The following CHD5 variants were observed in gnomAD, a reference collection of about 807,000 sequenced individuals.
CHD5 encodes the protein chromodomain helicase DNA binding protein 5, also known as ATP-dependent chromatin remodeler CHD5.
CHD5 carries 69 observed loss-of-function variants against 230.3 expected under a neutral mutation model. The ratio of observed to expected loss-of-function variants is 0.30; its 90% confidence interval spans 0.25 to 0.37. The LOEUF (loss-of-function observed/expected upper bound fraction) is 0.37, where lower values mean the gene tolerates loss of function less well. Among genes scored for constraint, CHD5 ranks in the 10% least tolerant of loss-of-function variants. The pLI, the probability that CHD5 is intolerant of heterozygous loss-of-function variation, is 1.00. For missense variants in CHD5, 1,827 were observed against 2,622.8 expected, an observed-to-expected ratio of 0.70 and a Z score of 6.63; for synonymous variants, 1,064 against 1,065.9, an observed-to-expected ratio of 1.00 and a Z score of 0.03.
intron 16 of CHD5, 24 bp downstream of exon 16, chr1:6,136,704 G>A (rs1245868743): frequency 5.0e-6 from 8 of 1,610,946 alleles, no homozygotes; most frequent in South Asian, 1.1e-5. Context: ...GAAGCTCTGG[G>A]GTCTGGCGGC....
chr1:6,119,654 C>T (rs1666433532), intron 33 of CHD5, among the ~76,000 whole-genome samples: 1 of 151,870 alleles, frequency 6.6e-6, no homozygotes, highest in Non-Finnish European at 1.5e-5. Context: ...ATATTAAAAA[C>T]TTGAACAATA....
rs1425470885 is a variant in CHD5 at position 6,124,070 on chromosome 1, G to T, written c.4577C>A (p.Thr1526Asn). 1 of 1,612,990 alleles carries T rather than the reference G, an allele frequency of 6.2e-7. No individual in the cohort carries two copies. Among genetic ancestry groups the T allele is most frequent in the Admixed American group, 1.7e-5 (1 of 59,668 alleles). ...EFEHVNGKYS[T>N]PDLIPEGPEG... ...GGGCCCCTCAGGGATCAAGTCTGGG[G>T]TGCTGTACTTCCCGTTGACATGCTC... Residue 1526 changes from threonine to asparagine, a missense_variant, in exon 31 of 42, where the codon ACC becomes AAC. Around this residue, in one of 14 missense-constraint regions of CHD5, gnomAD observed 108 missense variants for 152.4 expected, o/e 0.71. Coordinates refer to ENST00000262450, the MANE Select transcript of CHD5 (RefSeq NM_015557.3).
chr1:6,150,816 T>C (rs1666995214), intron 7 of CHD5, among the ~76,000 whole-genome samples: 1 of 152,140 alleles, frequency 6.6e-6, no homozygotes, highest in African/African-American at 2.4e-5. Context: ...TGGGACAGGA[T>C]GCCCCTCCCC....
intron 1 of CHD5, among the ~76,000 whole-genome samples, chr1:6,172,119 C>G (rs1161526306): frequency 2.0e-5 from 3 of 152,230 alleles, no homozygotes; most frequent in African/African-American, 7.2e-5. Flanking sequence ...CCTGTGGGAC[C>G]CCCAGGCTGG....
In CHD5 at chr1:6,136,852, A is replaced by G; in HGVS notation, c.2450T>C (p.Ile817Thr). The G allele has an allele frequency of 6.2e-7, 1 of 1,609,192 alleles. No homozygotes were observed. Among genetic ancestry groups the G allele is most frequent in the Non-Finnish European group, 8.5e-7 (1 of 1,176,808 alleles). The change falls in exon 16 of 42, where the codon ATC becomes ACC. Residue 817 changes from isoleucine to threonine, a missense_variant. Ile to Thr is a moderately conservative substitution (Grantham distance 89, BLOSUM62 -1). Around this residue, in one of 14 missense-constraint regions of CHD5, gnomAD observed 80 missense variants for 96.4 expected, o/e 0.83. Coordinates refer to ENST00000262450, the MANE Select transcript of CHD5 (RefSeq NM_015557.3). ...KVFRMKKEVQ[I>T]KFHVLLTSYE... ...GGAGGTGAGCAGCACGTGGAATTTGATCTGCACTTCTTTCTGGAGAAAAGA... is the reference window on the plus strand; with the variant it reads ...GGAGGTGAGCAGCACGTGGAATTTGGTCTGCACTTCTTTCTGGAGAAAAGA...
chr1:6,142,018 C>A lies in CHD5; in HGVS notation c.2436+110G>T. The A allele has an allele frequency of 1.1e-6, 1 of 951,642 alleles. No individual in the cohort carries two copies. The highest frequency in any genetic ancestry group is 1.5e-5 in the South Asian group (1 of 66,518). 58.9% of individuals were successfully genotyped at this position (951,642 alleles called of 1,614,324 possible). ...GACAAGCCCCTCAGAGCCTGCCGGCCTCGGTAGCCCTCCCAGGCTGAGGGA... is the reference window on the plus strand; with the variant it reads ...GACAAGCCCCTCAGAGCCTGCCGGCATCGGTAGCCCTCCCAGGCTGAGGGA... On this transcript the variant is annotated intron_variant, in intron 15 of 41. Transcript: ENST00000262450. This position sits in a 1 kb window ranked among gnomAD's most constrained non-coding sequence, Gnocchi z 5.2.
intron 2 of CHD5, 133 bp from the exon 3 acceptor site, chr1:6,159,648 A>G (rs1181544323): frequency 1.4e-6 from 1 of 713,706 alleles, no homozygotes; most frequent in Non-Finnish European, 2.3e-6. Context: ...TCCACTCATC[A>G]TCAGAGGCCA....
Position 6,135,265 on chromosome 1 carries a change from C to G in CHD5, c.2835G>C (p.Glu945Asp), listed in dbSNP as rs1666720390. The change falls in exon 18 of 42, where the codon GAG becomes GAC. Residue 945 changes from glutamate to aspartate, a missense_variant. Coordinates refer to ENST00000262450, the MANE Select transcript of CHD5 (RefSeq NM_015557.3). ...GGCTCAGCTCCACCCGGACAATGAGCTCGGTCTTGGCCGGCATGTTCTTGA... is the reference window on the plus strand; with the variant it reads ...GGCTCAGCTCCACCCGGACAATGAGGTCGGTCTTGGCCGGCATGTTCTTGA... The part of the protein sequence containing the change: ...DVFKNMPAKT[E>D]LIVRVELSQM... 6.2e-7 allele frequency: 1 copy of G among 1,614,160 alleles called. No homozygotes were observed. Among genetic ancestry groups the G allele is most frequent in the Non-Finnish European group, 8.5e-7 (1 of 1,180,044 alleles).
chr1:6,173,667 G>C (rs776876308), intron 1 of CHD5, among the ~76,000 whole-genome samples: 7 of 152,182 alleles, frequency 4.6e-5, no homozygotes, highest in Admixed American at 2.6e-4. Context: ...GCCTGCAGGG[G>C]CTCAGCAATG....
chr1:6,135,157 G>A, intron 18 of CHD5, 73 bp downstream of exon 18: 1 of 1,567,350 alleles, frequency 6.4e-7, no homozygotes. Flanking sequence ...CCGCCCACCT[G>A]GGAATCGACC....
rs2100832594 is a variant in CHD5 at position 6,112,065 on chromosome 1, T to C, written c.5140+75A>G. ...CAACCAGTCACACTCTAGTATAAAG[T>C]TAACCACTGGTCTAGACTCCTGGGA... On this transcript the variant is annotated intron_variant, in intron 35 of 41. Transcript: ENST00000262450. 4 of 1,536,998 alleles carry C rather than the reference T, an allele frequency of 2.6e-6. No homozygotes were observed. The East Asian group carries it at 9.0e-5, about 35-fold the overall frequency.
chr1:6,164,399 T>G (rs1667221615), intron 2 of CHD5, among the ~76,000 whole-genome samples: 1 of 152,240 alleles, frequency 6.6e-6, no homozygotes. Flanking sequence ...CAGTACAGGT[T>G]GAAATCATTT....
chr1:6,126,537 G>A lies in CHD5; in HGVS notation c.4078+35C>T. 1 of 1,607,324 alleles carries A rather than the reference G, an allele frequency of 6.2e-7. No individual in the cohort carries two copies. ...ATCCTGCCCCACCCTCCGCCTCTGG[G>A]TGAGGGGCACCAGTCCCTCCCTCCC... On this transcript the variant is annotated intron_variant, in intron 26 of 41. Coordinates refer to ENST00000262450, the MANE Select transcript of CHD5 (RefSeq NM_015557.3). This position sits in a 1 kb window ranked among gnomAD's most constrained non-coding sequence, Gnocchi z 5.7.
chr1:6,126,964 A>T lies in CHD5; in HGVS notation c.3904-218T>A. On this transcript the variant is annotated intron_variant, in intron 25 of 41. Transcript: ENST00000262450. This position sits in a 1 kb window ranked among gnomAD's most constrained non-coding sequence, Gnocchi z 5.7. ...CAATCATTTACTTATTCATCCATCC[A>T]TTCACAAAGCAAGTATTTCCTCGCC... is the stretch of plus-strand genomic sequence containing the variant. 1 of 583,194 alleles carries T rather than the reference A, an allele frequency of 1.7e-6. No homozygotes were observed. The highest frequency in any genetic ancestry group is 2.9e-5 in the East Asian group (1 of 35,074). The allele number at this position is 583,194 out of a possible 1,614,324, so 36.1% of individuals were successfully genotyped here.
intron 2 of CHD5, among the ~76,000 whole-genome samples, chr1:6,163,999 G>C (rs923844668): frequency 5.9e-5 from 9 of 152,228 alleles, no homozygotes; most frequent in African/African-American, 2.2e-4. Flanking sequence ...CCCAGCCTAT[G>C]TGTGCCAGGA....
Position 6,155,898 on chromosome 1 carries a change from C to T in CHD5, c.388-181G>A, listed in dbSNP as rs1198494628. Among the ~76,000 whole-genome samples the T allele has an allele frequency of 2.6e-5, 4 of 152,210 alleles. No individual in the cohort carries two copies. Among genetic ancestry groups the T allele is most frequent in the African/African-American group, 7.2e-5 (3 of 41,462 alleles). The stretch of plus-strand genomic sequence containing the variant: ...TTCAAGCCCTGCAGCCCCGCAGCCC[C>T]GCAGCCCCCAATCTGTGCCACGTCT... On this transcript the variant is annotated intron_variant, in intron 3 of 41. Coordinates refer to ENST00000262450, the MANE Select transcript of CHD5 (RefSeq NM_015557.3). This position sits in a 1 kb window ranked among gnomAD's most constrained non-coding sequence, Gnocchi z 4.0.
At chr1:6,124,251 A>C (rs930414512) in intron 30 of CHD5, 144 bp from the exon 31 acceptor site, 15 of 833,718 alleles carry the variant, frequency 1.8e-5, no homozygotes, top group Middle Eastern at 3.5e-4. Flanking sequence ...TGGCCAAGCC[A>C]GGCCCCTCCT....
intron 25 of CHD5, 111 bp downstream of exon 25, chr1:6,127,935 G>C: frequency 2.1e-6 from 2 of 962,822 alleles, no homozygotes; most frequent in Non-Finnish European, 3.1e-6. Context: ...CAGCTTGGAG[G>C]GCTGGCTGCG....
chr1:6,151,095 C>T lies in CHD5; in HGVS notation c.931G>A (p.Val311Met), dbSNP rs1363035377. The change falls in exon 7 of 42, where the codon GTG (valine) becomes ATG (methionine). Residue 311 changes from valine (V) to methionine (M), a missense_variant. Val to Met is a conservative substitution (Grantham distance 21). Coordinates refer to ENST00000262450, the MANE Select transcript of CHD5 (RefSeq NM_015557.3). The part of the protein sequence containing the change: ...FDSASIHSAS[V>M]RSECSAALGK... The stretch of plus-strand genomic sequence containing the variant: ...AGGGCTGCAGAGCATTCGGAGCGCA[C>T]GGAGGCACTGTGGATGCTGGCGCTG... 23 of 1,609,658 alleles carry T rather than the reference C, an allele frequency of 1.4e-5. No individual in the cohort carries two copies. Among genetic ancestry groups the T allele is most frequent in the African/African-American group, 4.0e-5 (3 of 74,860 alleles).
Sources: allele counts gnomAD v4.1 joint callset (sites outside exome capture counted in the v4.1 genomes callset), GRCh38; gene constraint gnomAD v4.1.1; regional missense constraint gnomAD v4.1.1; non-coding constraint Gnocchi (gnomAD v3.1); transcripts MANE v1.5; gene names NCBI Gene and HGNC (gene_info 2026-07-23, HGNC 2026-07-21).